LONRF2: variants seen among roughly 807,000 people sequenced by gnomAD.
LONRF2 encodes the protein LON peptidase N-terminal domain and RING finger protein 2.
LONRF2 carries 35 observed loss-of-function variants against 66.6 expected under a neutral mutation model. The ratio of observed to expected loss-of-function variants is 0.53; its 90% confidence interval spans 0.40 to 0.70. LONRF2 has a LOEUF of 0.70. LONRF2 is among the 30% of genes least tolerant of loss of function. LONRF2 has a pLI of 0.00. For synonymous variants in LONRF2, 417 were observed against 418.1 expected (o/e 1.00, Z 0.03); for missense variants, 902 against 1,002.1 (o/e 0.90, Z 1.35).
At chr2:100,309,966 C>A (rs528933101) in intron 1 of LONRF2, among the ~76,000 whole-genome samples, 67 of 152,308 alleles carry the variant, frequency 4.4e-4, no homozygotes, top group African/African-American at 1.5e-3. Context: ...AGCCACCATG[C>A]CTGGCCCATA....
At chr2:100,293,859 C>T (rs561050150) in intron 9 of LONRF2, among the ~76,000 whole-genome samples, 4 of 152,102 alleles carry the variant, frequency 2.6e-5, no homozygotes, top group Non-Finnish European at 4.4e-5. Flanking sequence ...GGATTACAAG[C>T]GTGAGCCACC....
chr2:100,286,808 A>G, intron 11 of LONRF2, 106 bp downstream of exon 11: 1 of 1,338,886 alleles, frequency 7.5e-7, no homozygotes, highest in Non-Finnish European at 1.0e-6. Flanking sequence ...ATAAGCAACC[A>G]CATTGGGGTA....
Position 100,287,699 on chromosome 2 carries a change from C to T in LONRF2, c.1921-636G>A, listed in dbSNP as rs189394453. Among the ~76,000 whole-genome samples, 27 of 152,314 alleles carry T rather than the reference C, an allele frequency of 1.8e-4. No individual in the cohort carries two copies. In the East Asian group the frequency reaches 5.2e-3, roughly 29 times the overall value. ...CAAGCTTGGCCTCTGGTCCCTATGT[C>T]ACTATCACATCTGTCATTTAAATTA... On this transcript the variant is annotated intron_variant, in intron 10 of 11. Transcript: ENST00000393437.
At chr2:100,308,109 C>T (rs1217179517) in intron 2 of LONRF2, among the ~76,000 whole-genome samples, 1 of 152,190 alleles carries the variant, frequency 6.6e-6, no homozygotes, top group Non-Finnish European at 1.5e-5. Context: ...GTGGCTCACG[C>T]CTGTAATCCC....
rs140578186 is a variant in LONRF2 at position 100,287,347 on chromosome 2, C to T, written c.1921-284G>A. 3.3e-5 allele frequency among the ~76,000 whole-genome samples: 5 copies of T among 152,268 alleles called. No homozygotes were observed. The East Asian group carries it at 9.6e-4, about 29-fold the overall frequency. The stretch of plus-strand genomic sequence containing the variant: ...TGCATGCAATTATATATTTGAGATA[C>T]ATGCCAATTTACTTAACTATTCACG... On this transcript the variant is annotated intron_variant, in intron 10 of 11. Transcript: ENST00000393437.
In LONRF2 at chr2:100,283,636, G is replaced by A. The variant is rs1674783660; in HGVS notation, c.*662C>T. ...GTTCTCAGGTTTTTCTATATCCAAG[G>A]TATACTTTCTTATGTTTTGACATTC... is the stretch of plus-strand genomic sequence containing the variant. On this transcript the variant is annotated 3_prime_UTR_variant, in exon 12 of 12. Coordinates refer to ENST00000393437, the MANE Select transcript of LONRF2 (RefSeq NM_198461.4). 6.6e-6 allele frequency: 1 copy of A among 151,852 alleles called. No individual in the cohort carries two copies. Among genetic ancestry groups the A allele is most frequent in the Admixed American group, 6.6e-5 (1 of 15,264 alleles). The allele number at this position is 151,852 out of a possible 1,614,324, so 9.4% of individuals were successfully genotyped here.
chr2:100,305,152 G>A (rs923565931), intron 2 of LONRF2, among the ~76,000 whole-genome samples: 3 of 152,186 alleles, frequency 2.0e-5, no homozygotes, highest in Non-Finnish European at 4.4e-5. Context: ...TTGTGCAGCT[G>A]CAGCTGTGGA....
At chr2:100,301,277 C>A (rs1866198) in intron 3 of LONRF2, among the ~76,000 whole-genome samples, 74,098 of 151,986 alleles carry the variant, frequency 0.49, 18,403 homozygotes, top group East Asian at 0.73. Flanking sequence ...CAGGGAATGG[C>A]ATTGGTGGGG....
At position 100,277,429 on chromosome 2, in the gene LONRF2, C is replaced by G. The variant is rs889239129; in HGVS notation, c.*6869G>C. ...CACCTGACAAGCTCAGCAAAACTAC[C>G]GATGCCTCCTTAACACAGGACAGAG... On this transcript the variant is annotated 3_prime_UTR_variant, in exon 12 of 12. Coordinates refer to ENST00000393437, the MANE Select transcript of LONRF2 (RefSeq NM_198461.4). The G allele has an allele frequency of 6.6e-6, 1 of 152,298 alleles. No individual in the cohort carries two copies. The highest frequency in any genetic ancestry group is 6.5e-5 in the Admixed American group (1 of 15,286). 9.4% of individuals were successfully genotyped at this position (152,298 alleles called of 1,614,324 possible). A position where few individuals can be genotyped will look rare whatever the true frequency, so the allele number is the denominator to read the frequency against.
intron 8 of LONRF2, among the ~76,000 whole-genome samples, chr2:100,294,929 T>G (rs772874691): frequency 7.9e-5 from 12 of 151,938 alleles, no homozygotes; most frequent in Non-Finnish European, 1.3e-4. Context: ...TTTGCTATTC[T>G]TAAGTGTACA....
At position 100,314,419 on chromosome 2, in the gene LONRF2, T is replaced by G. The variant is rs1417657109; in HGVS notation, c.680-5194A>C. Among the ~76,000 whole-genome samples the G allele has an allele frequency of 9.9e-5, 15 of 152,216 alleles. No homozygotes were observed. The East Asian group carries it at 2.7e-3, about 27-fold the overall frequency. ...TTAACTCTTTGCCTATTACGTAGTTTCAGCTAAAGTTGTTTCTATCAATGG... is the reference window on the plus strand; with the variant it reads ...TTAACTCTTTGCCTATTACGTAGTTGCAGCTAAAGTTGTTTCTATCAATGG... On this transcript the variant is annotated intron_variant, in intron 1 of 11. Coordinates refer to ENST00000393437, the MANE Select transcript of LONRF2 (RefSeq NM_198461.4).
At chr2:100,295,991 T>C (rs1559177372) in intron 7 of LONRF2, among the ~76,000 whole-genome samples, 1 of 152,154 alleles carries the variant, frequency 6.6e-6, no homozygotes. Context: ...ACACCAATCT[T>C]CCCAACATTA....
At position 100,271,916 on chromosome 2, in the gene LONRF2, C is replaced by T. The variant is rs1339862334; in HGVS notation, c.*12382G>A. On this transcript the variant is annotated 3_prime_UTR_variant, in exon 12 of 12. Transcript: ENST00000393437. ...TCCGAGCTTTATTTCCAACAATGTC[C>T]GTCATCACAGAAAGTTTCATCCAAC... is the stretch of plus-strand genomic sequence containing the variant. Among the ~76,000 whole-genome samples the T allele has an allele frequency of 2.6e-5, 4 of 152,164 alleles. No individual in the cohort carries two copies. Among genetic ancestry groups the T allele is most frequent in the African/African-American group, 4.8e-5 (2 of 41,440 alleles).
chr2:100,321,893 C>A lies in LONRF2; in HGVS notation c.201G>T (p.Ala67=). Residue 67 remains alanine (A), a synonymous_variant, in exon 1 of 12, where the codon GCG becomes GCT. Coordinates refer to ENST00000393437, the MANE Select transcript of LONRF2 (RefSeq NM_198461.4). ...CGGGGAGGCGGCCGGCGCGGGCCAG[C>A]GCGTCCCCCAGCCTCAGGCACAGGC... ...DRGLCLRLGD[A]LARAGRLPEA... 1 of 1,256,034 alleles carries A rather than the reference C, an allele frequency of 8.0e-7. No individual in the cohort carries two copies. 77.8% of individuals were successfully genotyped at this position (1,256,034 alleles called of 1,614,324 possible). A position where few individuals can be genotyped will look rare whatever the true frequency, so the allele number is the denominator to read the frequency against.
At chr2:100,304,628 T>TTTTG (rs1410976913) in intron 2 of LONRF2, among the ~76,000 whole-genome samples, 1 of 145,842 alleles carries the variant, frequency 6.9e-6, no homozygotes, top group Admixed American at 6.8e-5. Context: ...GTTGACTGTT[T>TTTTG]TTTTTTTTTT....
In LONRF2 at chr2:100,321,729, G is replaced by A; in HGVS notation, c.365C>T (p.Pro122Leu). Residue 122 changes from proline to leucine, a missense_variant, in exon 1 of 12, where the codon CCC (proline) becomes CTC (leucine). This residue lies in a region of LONRF2 where 585 missense variants were observed against 569.9 expected (regional missense o/e 1.03). Transcript: ENST00000393437. Reference sequence around the variant, plus strand: ...CGGCCCTCCCTCGCCGGGCGCCTCGGGCTCGCCGCCCGGGTTCTCCGCGGA... The same window carrying A: ...CGGCCCTCCCTCGCCGGGCGCCTCGAGCTCGCCGCCCGGGTTCTCCGCGGA... ...PLSAENPGGE[P>L]EAPGEGGPAP... 1.8e-6 allele frequency: 2 copies of A among 1,126,338 alleles called. No homozygotes were observed. Among genetic ancestry groups the A allele is most frequent in the South Asian group, 4.3e-5 (1 of 23,424 alleles). 69.8% of individuals were successfully genotyped at this position (1,126,338 alleles called of 1,614,324 possible).
chr2:100,291,243 C>A (rs577572862), intron 9 of LONRF2, among the ~76,000 whole-genome samples: 39 of 152,202 alleles, frequency 2.6e-4, no homozygotes, highest in African/African-American at 9.4e-4. Context: ...GTCTGGAGAG[C>A]TGCACTCACA....
At position 100,300,766 on chromosome 2, in the gene LONRF2, A is replaced by G. The variant is rs77688575; in HGVS notation, c.943T>C (p.Ser315Pro). The G allele has an allele frequency of 3.7e-4, 597 of 1,609,428 alleles. 3 individuals carry two copies. The East Asian group carries it at 0.013, about 35-fold the overall frequency. The change falls in exon 4 of 12, where the codon TCA becomes CCA. Residue 315 changes from serine to proline, a missense_variant. Around this residue, in one of 2 missense-constraint regions of LONRF2, gnomAD observed 585 missense variants for 569.9 expected, o/e 1.03. Transcript: ENST00000393437. ...TTTTCATGCACATTTGCTGTAGCTG[A>G]AAACAGCACTTCACACATTACCTAT... is the stretch of plus-strand genomic sequence containing the variant. ...AQKVMCEVLF[S>P]ATANVHENLT...
At chr2:100,294,461 A>G (rs1398421079) in intron 8 of LONRF2, 74 bp from the exon 9 acceptor site, 2 of 1,368,574 alleles carry the variant, frequency 1.5e-6, no homozygotes, top group Non-Finnish European at 9.7e-7. Flanking sequence ...CCACCAAAAC[A>G]GCAAAAGCCA....
Sources: allele counts gnomAD v4.1 joint callset (sites outside exome capture counted in the v4.1 genomes callset), GRCh38; gene constraint gnomAD v4.1.1; regional missense constraint gnomAD v4.1.1; transcripts MANE v1.5; gene names NCBI Gene and HGNC (gene_info 2026-07-23, HGNC 2026-07-21).